Variants in ZNF804B observed in about 807,000 individuals in gnomAD.
ZNF804B encodes zinc finger protein 804B.
ZNF804B carries 80 observed loss-of-function variants against 101.4 expected under a neutral mutation model. The ratio of observed to expected loss-of-function variants is 0.79; its 90% CI spans 0.66 to 0.95. The LOEUF (loss-of-function observed/expected upper bound fraction) is 0.95, where lower values mean the gene tolerates loss of function less well. Ranked by LOEUF, ZNF804B falls within the 40% of genes least tolerant of loss-of-function variation. ZNF804B has a pLI of 0.00. For synonymous variants in ZNF804B, 622 were observed against 558.8 expected (o/e 1.11, Z -1.59); for missense variants, 1,673 against 1,561.9 (o/e 1.07, Z -1.20).
chr7:88,943,911 T>G (rs985067640), intron 1 of ZNF804B, among the ~76,000 whole-genome samples: 1 of 151,876 alleles, frequency 6.6e-6, no homozygotes, highest in Admixed American at 6.6e-5. Flanking sequence ...ATGCTTTTCA[T>G]ATTCATTCAT....
chr7:88,819,186 C>T (rs2373393), intron 1 of ZNF804B, among the ~76,000 whole-genome samples: 52,257 of 151,926 alleles, frequency 0.34, 9,643 homozygotes, highest in East Asian at 0.55. Flanking sequence ...TGCAGTGGCG[C>T]GATCGTGGCT....
intron 1 of ZNF804B, among the ~76,000 whole-genome samples, chr7:89,216,429 T>C (rs1365087993): frequency 6.6e-6 from 1 of 152,222 alleles, no homozygotes; most frequent in African/African-American, 2.4e-5. Flanking sequence ...CACTTCTCAA[T>C]AGTGATTGTA....
chr7:89,210,506 C>A (rs1788786832), intron 1 of ZNF804B, among the ~76,000 whole-genome samples: 1 of 152,120 alleles, frequency 6.6e-6, no homozygotes, highest in African/African-American at 2.4e-5. Flanking sequence ...CCCACCCAAC[C>A]CCTGGAGAAG....
intron 1 of ZNF804B, among the ~76,000 whole-genome samples, chr7:88,976,379 A>G (rs1299691572): frequency 1.3e-5 from 2 of 151,594 alleles, no homozygotes; most frequent in Non-Finnish European, 3.0e-5. Flanking sequence ...CTTCCCATTT[A>G]TAAAGATGGA....
intron 2 of ZNF804B, among the ~76,000 whole-genome samples, chr7:89,219,356 A>G (rs1050397618): frequency 1.3e-5 from 2 of 149,808 alleles, no homozygotes; most frequent in African/African-American, 5.1e-5. Flanking sequence ...TCTCTTAAGA[A>G]AGTCAAAGTT....
At chr7:88,998,232 T>A (rs1713089146) in intron 1 of ZNF804B, among the ~76,000 whole-genome samples, 1 of 152,078 alleles carries the variant, frequency 6.6e-6, no homozygotes, top group South Asian at 2.1e-4. Flanking sequence ...ATCCATATAA[T>A]CCTGGCTAGC....
chr7:89,206,480 G>A (rs34031455), intron 1 of ZNF804B, among the ~76,000 whole-genome samples: 18,592 of 152,164 alleles, frequency 0.12, 1,227 homozygotes, highest in Middle Eastern at 0.25. Flanking sequence ...GGCCAGGCAC[G>A]GTGGCTCATG....
At chr7:89,039,444 G>T (rs2116245821) in intron 1 of ZNF804B, among the ~76,000 whole-genome samples, 1 of 151,612 alleles carries the variant, frequency 6.6e-6, no homozygotes, top group South Asian at 2.1e-4. Context: ...ATATTTCTAA[G>T]CATTTTGTTT....
chr7:88,853,002 G>A (rs1258312779), intron 1 of ZNF804B, among the ~76,000 whole-genome samples: 1 of 152,038 alleles, frequency 6.6e-6, no homozygotes, highest in Non-Finnish European at 1.5e-5. Flanking sequence ...CCAGAGGAGT[G>A]ACCCTACCCT....
chr7:88,951,792 G>A (rs1224884502), intron 1 of ZNF804B, among the ~76,000 whole-genome samples: 2 of 151,794 alleles, frequency 1.3e-5, no homozygotes, highest in East Asian at 2.0e-4. Context: ...ATATGCAAAT[G>A]TAGGCAACTC....
intron 1 of ZNF804B, among the ~76,000 whole-genome samples, chr7:88,790,192 A>G (rs1430149534): frequency 6.6e-6 from 1 of 152,104 alleles, no homozygotes; most frequent in Non-Finnish European, 1.5e-5. Context: ...ACTGTTAAAT[A>G]TTCATTTTTC....
At chr7:88,785,458 C>G (rs1046901680) in intron 1 of ZNF804B, among the ~76,000 whole-genome samples, 1 of 152,084 alleles carries the variant, frequency 6.6e-6, no homozygotes. Context: ...TATACAGTCT[C>G]GTTACCTAGT....
chr7:88,943,314 T>A (rs979239988), intron 1 of ZNF804B, among the ~76,000 whole-genome samples: 1 of 151,930 alleles, frequency 6.6e-6, no homozygotes, highest in Non-Finnish European at 1.5e-5. Context: ...AGTAGTGGTA[T>A]GTAAACTACA....
intron 1 of ZNF804B, among the ~76,000 whole-genome samples, chr7:89,103,070 T>TG (rs1233726750): frequency 1.4e-5 from 2 of 140,536 alleles, no homozygotes; most frequent in Non-Finnish European, 3.1e-5. Flanking sequence ...TTTTTTTTTT[T>TG]TTTTTTTTTT....
chr7:89,008,956 T>C (rs913065640), intron 1 of ZNF804B, among the ~76,000 whole-genome samples: 25 of 152,116 alleles, frequency 1.6e-4, no homozygotes, highest in Admixed American at 1.3e-3. Context: ...TTTACCTAGA[T>C]TAGCTACCCT....
At chr7:88,923,793 G>A (rs1171702072) in intron 1 of ZNF804B, among the ~76,000 whole-genome samples, 1 of 151,942 alleles carries the variant, frequency 6.6e-6, no homozygotes, top group Non-Finnish European at 1.5e-5. Flanking sequence ...ATATAAAATA[G>A]AAGTGACTTT....
intron 1 of ZNF804B, among the ~76,000 whole-genome samples, chr7:89,067,461 T>C (rs58379645): frequency 0.023 from 3,494 of 152,288 alleles, 161 homozygotes; most frequent in African/African-American, 0.079. Flanking sequence ...TTGTGTCTGA[T>C]TGAGTCACTG....
chr7:89,305,201 C>T (rs1490049649), intron 2 of ZNF804B, among the ~76,000 whole-genome samples: 2 of 151,894 alleles, frequency 1.3e-5, no homozygotes, highest in African/African-American at 4.8e-5. Flanking sequence ...GTCATCCTAG[C>T]TTTATATGTT....
chr7:89,072,209 TAGAAAG>T (rs1229627069), intron 1 of ZNF804B, among the ~76,000 whole-genome samples: 2 of 152,204 alleles, frequency 1.3e-5, no homozygotes, highest in African/African-American at 4.8e-5. Flanking sequence ...ACACAAATGA[TAGAAAG>T]AGAACACATG....
Sources: allele counts gnomAD v4.1 joint callset (sites outside exome capture counted in the v4.1 genomes callset), GRCh38; gene constraint gnomAD v4.1.1; transcripts MANE v1.5; gene names NCBI Gene and HGNC (gene_info 2026-07-23, HGNC 2026-07-21).